Variants in PCDHGA1 observed in about 807,000 individuals in gnomAD.
PCDHGA1 encodes the protein protocadherin gamma subfamily A, 1.
Under a neutral mutation model 58.0 loss-of-function variants are expected in PCDHGA1, and 32 were observed. The ratio of observed to expected loss-of-function variants is 0.55; its 90% CI spans 0.42 to 0.74. The LOEUF (loss-of-function observed/expected upper bound fraction) is 0.74. PCDHGA1 is among the 30% of genes least tolerant of loss of function. PCDHGA1 has a pLI of 0.00. For missense variants in PCDHGA1, 1,205 were observed against 1,182.3 expected, an observed-to-expected ratio of 1.02 and a Z score of -0.28; for synonymous variants, 498 against 501.1, an observed-to-expected ratio of 0.99 and a Z score of 0.08.
intron 1 of PCDHGA1, chr5:141,428,221 G>A (rs1314522513): frequency 5.9e-6 from 7 of 1,177,278 alleles, no homozygotes; most frequent in Non-Finnish European, 8.6e-6. Context: ...CCTAGTCTTC[G>A]CAGACAGCCT....
intron 1 of PCDHGA1, chr5:141,388,959 G>C: frequency 6.2e-7 from 1 of 1,613,996 alleles, no homozygotes; most frequent in Non-Finnish European, 8.5e-7. Flanking sequence ...GGAGGACGCC[G>C]AGCTGGGAAC....
At chr5:141,502,363 T>C (rs1216939790) in intron 2 of PCDHGA1, among the ~76,000 whole-genome samples, 2 of 152,100 alleles carry the variant, frequency 1.3e-5, no homozygotes, top group African/African-American at 4.8e-5. Context: ...ATGGATATTT[T>C]TAAAGAGTCC....
Position 141,331,632 on chromosome 5 carries a change from A to G in PCDHGA1, c.948A>G (p.Ser316=), listed in dbSNP as rs374038889. The change falls in exon 1 of 4, where the codon TCA becomes TCG. Residue 316 remains serine (S), a synonymous_variant. Transcript: ENST00000517417. ...PLDFEEYKMY[S]MEVQAQDGAG... ...ATTTCGAAGAATACAAAATGTATTC[A>G]ATGGAAGTTCAAGCCCAGGATGGTG... 11 of 1,614,048 alleles carry G rather than the reference A, an allele frequency of 6.8e-6. No homozygotes were observed. The highest frequency in any genetic ancestry group is 1.7e-5 in the Admixed American group (1 of 60,010).
At chr5:141,376,404 A>C in intron 1 of PCDHGA1, 1 of 1,614,178 alleles carries the variant, frequency 6.2e-7, no homozygotes, top group Non-Finnish European at 8.5e-7. Flanking sequence ...CCCCAGCCCA[A>C]CTATGCCGAC....
intron 1 of PCDHGA1, among the ~76,000 whole-genome samples, chr5:141,437,064 G>T (rs1380953110): frequency 6.6e-6 from 1 of 152,170 alleles, no homozygotes; most frequent in Non-Finnish European, 1.5e-5. Flanking sequence ...ATCATTATTT[G>T]GTTTGGGCCA....
At chr5:141,357,721 T>C in intron 1 of PCDHGA1, 2 of 1,415,050 alleles carry the variant, frequency 1.4e-6, no homozygotes, top group Non-Finnish European at 1.9e-6. Flanking sequence ...TAAAGTTGCC[T>C]CTTTTAATAT....
chr5:141,486,725 C>A lies in PCDHGA1; in HGVS notation c.2422-8082C>A. 1 of 1,614,182 alleles carries A rather than the reference C, an allele frequency of 6.2e-7. No individual in the cohort carries two copies. The highest frequency in any genetic ancestry group is 1.1e-5 in the South Asian group (1 of 91,076). On this transcript the variant is annotated intron_variant, in intron 1 of 3. Transcript: ENST00000517417. The surrounding 1 kb of genome is among the most constrained non-coding windows in gnomAD (Gnocchi z 5.0). ...TCTGAACCCCCAGACAGGAGCTGTT[C>A]ATGCTACTCGATCCTTTGACTATGA...
Position 141,476,559 on chromosome 5 carries a change from T to C in PCDHGA1, c.2422-18248T>C. The stretch of plus-strand genomic sequence containing the variant: ...ATGAAATTGGAGATTAGCGAGGCCG[T>C]GGCTCCGGGGACGCGCTTTCCGCTC... On this transcript the variant is annotated intron_variant, in intron 1 of 3. Coordinates refer to ENST00000517417, the MANE Select transcript of PCDHGA1 (RefSeq NM_018912.3). This position sits in a 1 kb window ranked among gnomAD's most constrained non-coding sequence, Gnocchi z 7.6. 4 of 1,614,228 alleles carry C rather than the reference T, an allele frequency of 2.5e-6. No homozygotes were observed. Among genetic ancestry groups the C allele is most frequent in the Non-Finnish European group, 3.4e-6 (4 of 1,180,036 alleles).
intron 1 of PCDHGA1, chr5:141,377,467 A>G (rs1170946460): frequency 1.3e-5 from 2 of 152,076 alleles, no homozygotes; most frequent in Non-Finnish European, 2.9e-5. Context: ...TGTGTGGCGT[A>G]CACCTGTAGT....
intron 1 of PCDHGA1, chr5:141,388,401 A>C: frequency 6.2e-7 from 1 of 1,614,026 alleles, no homozygotes; most frequent in East Asian, 2.2e-5. Context: ...TTACCAACTC[A>C]GTCCCAGTGA....
intron 1 of PCDHGA1, among the ~76,000 whole-genome samples, chr5:141,457,984 A>G (rs1210742359): frequency 2.0e-5 from 3 of 152,226 alleles, no homozygotes; most frequent in Non-Finnish European, 1.5e-5. Context: ...ACACCCTTTC[A>G]GTTAAAGCCT....
At chr5:141,436,256 C>T (rs953463822) in intron 1 of PCDHGA1, among the ~76,000 whole-genome samples, 1 of 152,100 alleles carries the variant, frequency 6.6e-6, no homozygotes, top group South Asian at 2.1e-4. Context: ...TTATTCTGAC[C>T]TCTGCTCACC....
chr5:141,482,661 T>G (rs1215403061), intron 1 of PCDHGA1, among the ~76,000 whole-genome samples: 1 of 151,742 alleles, frequency 6.6e-6, no homozygotes, highest in Non-Finnish European at 1.5e-5. Flanking sequence ...TGAGCTATGA[T>G]CTAAAGGTTG....
chr5:141,361,531 C>T, intron 1 of PCDHGA1: 2 of 1,614,040 alleles, frequency 1.2e-6, no homozygotes, highest in Non-Finnish European at 1.7e-6. Flanking sequence ...AGAGAACAAT[C>T]CTCCTGGCGC....
In PCDHGA1 at chr5:141,403,923, G is replaced by T. The variant is rs199643799; in HGVS notation, c.2421+70818G>T. 1.2e-3 allele frequency: 1,935 copies of T among 1,613,900 alleles called. 4 individuals carry two copies. Among genetic ancestry groups the T allele is most frequent in the Non-Finnish European group, 1.5e-3 (1,744 of 1,179,882 alleles). On this transcript the variant is annotated intron_variant, in intron 1 of 3. Transcript: ENST00000517417. The stretch of plus-strand genomic sequence containing the variant: ...GAAATGGAAATACAAGCTGAAGATG[G>T]TGGGGGATTGAAAGGGTGGACAAAA...
In PCDHGA1 at chr5:141,476,255, G is replaced by A. The variant is rs767691159; in HGVS notation, c.2422-18552G>A. 6.2e-7 allele frequency: 1 copy of A among 1,614,090 alleles called. No individual in the cohort carries two copies. Among genetic ancestry groups the A allele is most frequent in the Admixed American group, 1.7e-5 (1 of 60,022 alleles). ...GGAGGAAAGAGAGAAGGGTTTCGCT[G>A]TGGGCAACGTGGTCGCGAACCTTGG... On this transcript the variant is annotated intron_variant, in intron 1 of 3. Transcript: ENST00000517417. The surrounding 1 kb of genome is among the most constrained non-coding windows in gnomAD (Gnocchi z 7.6).
rs2233600 is a variant in PCDHGA1, at chr5:141,489,134, A to C, written c.2422-5673A>C. 9,827 of 731,232 alleles carry C rather than the reference A, an allele frequency of 0.013. 1,099 individuals are homozygous for C. The East Asian group carries it at 0.25, about 19-fold the overall frequency. The allele number at this position is 731,232 out of a possible 1,614,324, so 45.3% of individuals were successfully genotyped here. A position where few individuals can be genotyped will look rare whatever the true frequency, so the allele number is the denominator to read the frequency against. Reference sequence around the variant, plus strand: ...GGCAAACCTCCGAGCAGTTTTTAAGAGGCTGGAAGGAGACATAAGAGACTT... The same window carrying C: ...GGCAAACCTCCGAGCAGTTTTTAAGCGGCTGGAAGGAGACATAAGAGACTT... On this transcript the variant is annotated intron_variant, in intron 1 of 3. Transcript: ENST00000517417. The surrounding 1 kb of genome is among the most constrained non-coding windows in gnomAD (Gnocchi z 4.5).
chr5:141,362,075 G>C (rs533999436), intron 1 of PCDHGA1: 2 of 1,612,964 alleles, frequency 1.2e-6, no homozygotes, highest in African/African-American at 2.7e-5. Flanking sequence ...GTCGCTGTGC[G>C]TGATGGAGGA....
chr5:141,390,207 C>G (rs1359982168), intron 1 of PCDHGA1: 5 of 1,614,028 alleles, frequency 3.1e-6, no homozygotes, highest in African/African-American at 1.3e-5. Flanking sequence ...GAGTTCAGGA[C>G]AAGACATACT....
Sources: allele counts gnomAD v4.1 joint callset (sites outside exome capture counted in the v4.1 genomes callset), GRCh38; gene constraint gnomAD v4.1.1; non-coding constraint Gnocchi (gnomAD v3.1); transcripts MANE v1.5; gene names NCBI Gene and HGNC (gene_info 2026-07-23, HGNC 2026-07-21).